TASP1: variants seen among roughly 807,000 people sequenced by gnomAD.
TASP1 encodes the protein threonine aspartase 1.
In TASP1, 16 loss-of-function variants were observed where a neutral mutation model predicts 56.6. The ratio of observed to expected loss-of-function variants is 0.28; its 90% CI spans 0.19 to 0.43. TASP1 has a LOEUF of 0.43. Ranked by LOEUF, TASP1 falls within the 20% of genes least tolerant of loss-of-function variation. TASP1 has a pLI of 1.00. For synonymous variants in TASP1, 179 were observed against 184.2 expected (o/e 0.97, Z 0.23); for missense variants, 393 against 511.6 (o/e 0.77, Z 2.24).
the TASP1 span, among the ~76,000 whole-genome samples, chr20:13,314,841 A>C: frequency 6.6e-6 from 1 of 152,130 alleles, no homozygotes; most frequent in Non-Finnish European, 1.5e-5. Context: ...ATGTTTATAC[A>C]TGCATGTATG....
chr20:13,335,019 A>G, the TASP1 span, among the ~76,000 whole-genome samples: 1 of 152,222 alleles, frequency 6.6e-6, no homozygotes, highest in African/African-American at 2.4e-5. Context: ...TAAATTGCTC[A>G]GTGCTTATAA....
the TASP1 span, among the ~76,000 whole-genome samples, chr20:13,338,509 G>C: frequency 6.6e-6 from 1 of 152,130 alleles, no homozygotes; most frequent in South Asian, 2.1e-4. Context: ...TATTTTACCA[G>C]CCCCTGTTCA....
the TASP1 span, among the ~76,000 whole-genome samples, chr20:13,121,734 T>C: frequency 6.6e-6 from 1 of 152,060 alleles, no homozygotes; most frequent in Non-Finnish European, 1.5e-5. Context: ...CAGAAGTTAC[T>C]CAAAGAGCTC....
At chr20:13,268,121 CTTCTCTTCT>C in the TASP1 span, among the ~76,000 whole-genome samples, 3 of 119,346 alleles carry the variant, frequency 2.5e-5, no homozygotes, top group Admixed American at 2.7e-4. Context: ...CCTGTCTTCT[CTTCTCTTCT>C]CTTCTCTTCT....
chr20:13,189,544 T>C, the TASP1 span, among the ~76,000 whole-genome samples: 1 of 147,296 alleles, frequency 6.8e-6, no homozygotes, highest in East Asian at 1.9e-4. Context: ...CCAACAAACA[T>C]ATGAAAAAAC....
At chr20:13,128,963 G>A in the TASP1 span, among the ~76,000 whole-genome samples, 4 of 147,366 alleles carry the variant, frequency 2.7e-5, no homozygotes, top group African/African-American at 5.0e-5. Context: ...TGCAACCTCC[G>A]CCTCCTGGGT....
chr20:13,216,875 T>A, the TASP1 span, among the ~76,000 whole-genome samples: 137 of 152,166 alleles, frequency 9.0e-4, no homozygotes, highest in African/African-American at 3.2e-3. Flanking sequence ...AACAGGAAGT[T>A]TTTATGGGCT....
At chr20:13,368,609 C>T in the TASP1 span, 1,641 of 152,358 alleles carry the variant, frequency 0.011, 26 homozygotes, top group African/African-American at 0.038. Flanking sequence ...CTGAGGTAGG[C>T]ACAGATGCAG....
chr20:13,633,075 G>A (rs2049157359), intron 1 of TASP1, among the ~76,000 whole-genome samples: 3 of 152,104 alleles, frequency 2.0e-5, no homozygotes, highest in Non-Finnish European at 2.9e-5. Flanking sequence ...CAGCAATTTG[G>A]CAAAATCAAT....
chr20:13,634,728 C>CAA (rs559609508), intron 1 of TASP1, among the ~76,000 whole-genome samples: 4 of 53,382 alleles, frequency 7.5e-5, no homozygotes, highest in Non-Finnish European at 7.7e-5. Flanking sequence ...AAACTCCGTC[C>CAA]AAAAAAAAAA....
chr20:13,542,140 A>G (rs2045647185), intron 8 of TASP1, among the ~76,000 whole-genome samples: 4 of 152,186 alleles, frequency 2.6e-5, no homozygotes. Flanking sequence ...TATGAGAGAT[A>G]AGCCTAAAGC....
At chr20:13,581,617 G>C (rs1002970857) in intron 5 of TASP1, among the ~76,000 whole-genome samples, 7 of 152,188 alleles carry the variant, frequency 4.6e-5, no homozygotes, top group African/African-American at 1.7e-4. Flanking sequence ...ATGTACAAGT[G>C]AGGTGATAGT....
intron 9 of TASP1, among the ~76,000 whole-genome samples, chr20:13,532,132 C>T (rs1424524649): frequency 1.3e-5 from 2 of 152,172 alleles, no homozygotes; most frequent in Non-Finnish European, 2.9e-5. Flanking sequence ...TGGTCTTGAA[C>T]TCCTGACCTC....
At chr20:13,359,576 C>T in the TASP1 span, among the ~76,000 whole-genome samples, 5 of 151,154 alleles carry the variant, frequency 3.3e-5, no homozygotes, top group African/African-American at 1.2e-4. Flanking sequence ...TTTTCAAGGA[C>T]CTGTTTCCCT....
intron 10 of TASP1, among the ~76,000 whole-genome samples, chr20:13,496,831 A>C (rs1294911099): frequency 6.6e-6 from 1 of 152,248 alleles, no homozygotes; most frequent in Non-Finnish European, 1.5e-5. Context: ...GATAAGCTAC[A>C]GTCATGGGTT....
the TASP1 span, among the ~76,000 whole-genome samples, chr20:13,237,637 G>T: frequency 6.6e-6 from 1 of 152,170 alleles, no homozygotes; most frequent in Non-Finnish European, 1.5e-5. Flanking sequence ...GGTTGCCTAG[G>T]TGTCTTCAGT....
the TASP1 span, among the ~76,000 whole-genome samples, chr20:13,142,362 A>T: frequency 5.9e-5 from 9 of 152,158 alleles, no homozygotes; most frequent in Admixed American, 5.9e-4. Flanking sequence ...TGGTGATGTA[A>T]TACATATGGA....
At chr20:13,527,230 G>A (rs943175577) in intron 10 of TASP1, among the ~76,000 whole-genome samples, 4 of 152,250 alleles carry the variant, frequency 2.6e-5, no homozygotes, top group East Asian at 1.9e-4. Flanking sequence ...AAAAGAAAAA[G>A]TCACTTGCAT....
chr20:13,388,690 C>T (rs112655989), downstream of TASP1, among the ~76,000 whole-genome samples: 21 of 152,218 alleles, frequency 1.4e-4, 1 homozygote, highest in African/African-American at 4.8e-4. Context: ...CTTTTGAAGC[C>T]AAAGGCTCCC....
Sources: allele counts gnomAD v4.1 joint callset (sites outside exome capture counted in the v4.1 genomes callset), GRCh38; gene constraint gnomAD v4.1.1; transcripts MANE v1.5; gene names NCBI Gene and HGNC (gene_info 2026-07-23, HGNC 2026-07-21).